Variants in TMEM196 observed in about 807,000 individuals in gnomAD.
TMEM196 encodes transmembrane protein 196.
In TMEM196, 17 loss-of-function variants were observed where a neutral mutation model predicts 20.0. That is an observed-to-expected ratio of 0.85 (90% CI 0.58 to 1.27). The LOEUF is 1.27. Among genes scored for constraint, TMEM196 ranks in the 50% most tolerant of loss-of-function variants. The pLI is 0.00. For synonymous variants in TMEM196, 113 were observed against 88.9 expected (o/e 1.27, Z -1.52); for missense variants, 267 against 223.0 (o/e 1.20, Z -1.26).
intron 1 of TMEM196, 55 bp downstream of exon 1, chr7:19,772,495 T>TA (rs1276615922): frequency 3.7e-5 from 54 of 1,451,024 alleles, no homozygotes. Flanking sequence ...ACCATCACCG[T>TA]AAAGAGGTAA....
At chr7:19,722,158 A>G in intron 4 of TMEM196, 24 bp from the exon 5 acceptor site, 1 of 1,595,834 alleles carries the variant, frequency 6.3e-7, no homozygotes. Context: ...GACATGATTA[A>G]TTAAAATTCG....
At chr7:19,763,407 G>A (rs1055808754) in intron 1 of TMEM196, among the ~76,000 whole-genome samples, 7 of 152,106 alleles carry the variant, frequency 4.6e-5, no homozygotes, top group Non-Finnish European at 8.8e-5. Context: ...CAAAAACCCT[G>A]CCAAATATAA....
At chr7:19,729,990 C>T (rs920513449) in intron 1 of TMEM196, among the ~76,000 whole-genome samples, 5 of 152,126 alleles carry the variant, frequency 3.3e-5, no homozygotes, top group South Asian at 2.1e-4. Flanking sequence ...GGCGCGGTGG[C>T]TCACACCTGT....
In TMEM196 at chr7:19,735,468, TTC is replaced by T. The variant is rs1003988209; in HGVS notation, c.148-6032_148-6031del. Reference sequence around the variant, plus strand: ...CTTCTCTGTCTCCCGCTCTTTCTTTTTCTCTCTCTCTTTCTCTTGCACTGGCC... The same window carrying T: ...CTTCTCTGTCTCCCGCTCTTTCTTTTTCTCTCTCTTTCTCTTGCACTGGCC... On this transcript the variant is annotated intron_variant, in intron 1 of 4. Transcript: ENST00000405844. Among the ~76,000 whole-genome samples the T allele has an allele frequency of 2.6e-4, 40 of 152,310 alleles. 2 individuals carry two copies. The highest frequency in any genetic ancestry group is 9.4e-4 in the African/African-American group (39 of 41,580).
Position 19,722,012 on chromosome 7 carries a change from G to C in TMEM196, c.*116C>G, listed in dbSNP as rs1783829850. The C allele has an allele frequency of 1.5e-6, 2 of 1,351,788 alleles. No individual in the cohort carries two copies. The highest frequency in any genetic ancestry group is 4.7e-5 in the East Asian group (2 of 42,182). The allele number at this position is 1,351,788 out of a possible 1,614,324, so 83.7% of individuals were successfully genotyped here. A position where few individuals can be genotyped will look rare whatever the true frequency, so the allele number is the denominator to read the frequency against. On this transcript the variant is annotated 3_prime_UTR_variant, in exon 5 of 5. Coordinates refer to ENST00000405844, the MANE Select transcript of TMEM196 (RefSeq NM_001363562.2). ...AATGCAAAAACTGTTTTATTTTCTA[G>C]TCCTTTGGTGTCTCATTGCCTCATG...
In TMEM196 at chr7:19,729,429, A is replaced by G; in HGVS notation, c.157T>C (p.Cys53Arg). 6.4e-7 allele frequency: 1 copy of G among 1,550,836 alleles called. No individual in the cohort carries two copies. Among genetic ancestry groups the G allele is most frequent in the Non-Finnish European group, 8.7e-7 (1 of 1,146,804 alleles). ...QLGDSSPFLL[C>R]GICGILCAKK... ...GCACACAATATTCCACAAATGCCAC[A>G]AAGAAGAAACTGAAAAGGAAAAGAA... is the stretch of plus-strand genomic sequence containing the variant. Residue 53 changes from cysteine (C) to arginine (R), a missense_variant, in exon 2 of 5, where the codon TGT (cysteine) becomes CGT (arginine). Physicochemically the swap from Cys to Arg is radical, Grantham distance 180. Coordinates refer to ENST00000405844, the MANE Select transcript of TMEM196 (RefSeq NM_001363562.2).
chr7:19,742,322 C>T (rs1052920065), intron 1 of TMEM196, among the ~76,000 whole-genome samples: 1 of 152,042 alleles, frequency 6.6e-6, no homozygotes, highest in African/African-American at 2.4e-5. Context: ...GACTGGTCTT[C>T]GAAGGACTAT....
At chr7:19,759,282 A>G (rs928177556) in intron 1 of TMEM196, among the ~76,000 whole-genome samples, 4 of 152,192 alleles carry the variant, frequency 2.6e-5, no homozygotes, top group East Asian at 1.9e-4. Flanking sequence ...TTCATTTTAC[A>G]AGGAAGTCTC....
intron 2 of TMEM196, 126 bp downstream of exon 2, chr7:19,729,256 G>GTTT (rs11401553): frequency 0.029 from 12,360 of 433,056 alleles, 282 homozygotes; most frequent in African/African-American, 0.089. Context: ...TTATTTGTCA[G>GTTT]TTTTTTTTTT....
intron 1 of TMEM196, among the ~76,000 whole-genome samples, chr7:19,731,578 CG>C (rs1784204001): frequency 6.6e-6 from 1 of 152,174 alleles, no homozygotes; most frequent in Admixed American, 6.5e-5. Context: ...AGAACTCATT[CG>C]AAAAGAATTT....
At chr7:19,762,893 C>T (rs571077623) in intron 1 of TMEM196, among the ~76,000 whole-genome samples, 3 of 152,284 alleles carry the variant, frequency 2.0e-5, no homozygotes, top group East Asian at 1.9e-4. Context: ...ACATGCATAG[C>T]GGTTTCCGAA....
intron 1 of TMEM196, among the ~76,000 whole-genome samples, chr7:19,765,330 T>G (rs1470423853): frequency 6.6e-6 from 1 of 152,166 alleles, no homozygotes; most frequent in Non-Finnish European, 1.5e-5. Flanking sequence ...TAGAGTTGCT[T>G]CTTGGGAGTT....
Position 19,773,561 on chromosome 7 carries a change from C to T in TMEM196, c.-865G>A, listed in dbSNP as rs569788216. ...CCGCAGCAACAGAAATCCAGGCGAC[C>T]CCTACCTCCGCTTCTCCCCGTGGCT... On this transcript the variant is annotated 5_prime_UTR_variant, in exon 1 of 5. Transcript: ENST00000405844. 5.9e-5 allele frequency: 10 copies of T among 169,638 alleles called. No individual in the cohort carries two copies. Among genetic ancestry groups the T allele is most frequent in the Admixed American group, 5.9e-4 (9 of 15,312 alleles). The allele number at this position is 169,638 out of a possible 1,614,324, so 10.5% of individuals were successfully genotyped here. A position where few individuals can be genotyped will look rare whatever the true frequency, so the allele number is the denominator to read the frequency against.
rs1027403018 is a variant in TMEM196 at position 19,744,761 on chromosome 7, A to T, written c.148-15323T>A. Among the ~76,000 whole-genome samples the T allele has an allele frequency of 2.6e-5, 4 of 152,322 alleles. No individual in the cohort carries two copies. The South Asian group carries it at 8.3e-4, about 32-fold the overall frequency. On this transcript the variant is annotated intron_variant, in intron 1 of 4. Coordinates refer to ENST00000405844, the MANE Select transcript of TMEM196 (RefSeq NM_001363562.2). ...CTTTTGGAATAAATTCTCAAATTTC[A>T]ATAGTTTACTTTTTTCAAAAGTTTG...
rs1252108553 is a variant in TMEM196 at position 19,720,865 on chromosome 7, T to TG, written c.*1262dup. The TG allele has an allele frequency of 1.3e-5, 2 of 151,892 alleles. No homozygotes were observed. The highest frequency in any genetic ancestry group is 3.8e-4 in the East Asian group (2 of 5,200). The allele number at this position is 151,892 out of a possible 1,614,324, so 9.4% of individuals were successfully genotyped here. Reference sequence around the variant, plus strand: ...GCAAAGGTAATTATAACTTCATTGTTGGGGGGTTACATCATCTGCCCTTTT... The same window carrying TG: ...GCAAAGGTAATTATAACTTCATTGTTGGGGGGGTTACATCATCTGCCCTTTT... On this transcript the variant is annotated 3_prime_UTR_variant, in exon 5 of 5. Coordinates refer to ENST00000405844, the MANE Select transcript of TMEM196 (RefSeq NM_001363562.2).
chr7:19,758,557 C>G (rs1321844172), intron 1 of TMEM196, among the ~76,000 whole-genome samples: 1 of 152,202 alleles, frequency 6.6e-6, no homozygotes, highest in Non-Finnish European at 1.5e-5. Context: ...AGTTCTACAG[C>G]TAGCCAGCTA....
At chr7:19,761,583 T>C (rs1583458169) in intron 1 of TMEM196, among the ~76,000 whole-genome samples, 1 of 152,178 alleles carries the variant, frequency 6.6e-6, no homozygotes, top group Admixed American at 6.5e-5. Flanking sequence ...GCAGACCAGG[T>C]GAGATAAGAT....
chr7:19,760,119 A>C (rs1416332884), intron 1 of TMEM196, among the ~76,000 whole-genome samples: 1 of 152,046 alleles, frequency 6.6e-6, no homozygotes, highest in Non-Finnish European at 1.5e-5. Flanking sequence ...CCTCCCCCTC[A>C]GGTCATACTT....
intron 1 of TMEM196, among the ~76,000 whole-genome samples, chr7:19,739,043 T>C (rs926229544): frequency 6.6e-6 from 1 of 152,164 alleles, no homozygotes; most frequent in Non-Finnish European, 1.5e-5. Flanking sequence ...TGATGGTACA[T>C]ATCCTTCATA....
Sources: gnomAD v4.1 joint callset for allele counts (sites outside exome capture counted in the v4.1 genomes callset) on GRCh38, gnomAD v4.1.1 for gene constraint, MANE v1.5 for transcripts, NCBI Gene and HGNC (gene_info 2026-07-23, HGNC 2026-07-21) for gene names.